The following PRKN variants were observed in gnomAD, a reference collection of about 807,000 sequenced individuals.
PRKN encodes the protein parkin RBR E3 ubiquitin protein ligase, also known as E3 ubiquitin-protein ligase parkin.
In PRKN, 56 loss-of-function variants were observed where a neutral mutation model predicts 59.5. The ratio of observed to expected loss-of-function variants is 0.94; its 90% confidence interval spans 0.76 to 1.18. The LOEUF (loss-of-function observed/expected upper bound fraction) is 1.18, where lower values mean the gene tolerates loss of function less well. Ranked by LOEUF, PRKN falls within the 50% of genes most tolerant of loss-of-function variation. The probability of loss-of-function intolerance (pLI) is 0.00; values close to 1 mark genes in which losing one functional copy is unlikely to be tolerated. For synonymous variants in PRKN, 250 were observed against 222.1 expected, an observed-to-expected ratio of 1.13 and a Z score of -1.12; for missense variants, 657 against 596.4, an observed-to-expected ratio of 1.10 and a Z score of -1.06.
chr6:161,832,517 G>C (rs1259626835), intron 6 of PRKN, among the ~76,000 whole-genome samples: 1 of 151,366 alleles, frequency 6.6e-6, no homozygotes, highest in Non-Finnish European at 1.5e-5. Flanking sequence ...TCAGCTACTC[G>C]GGAGGCTGAG....
chr6:161,982,433 G>A (rs1354015632), intron 5 of PRKN, among the ~76,000 whole-genome samples: 6 of 94,074 alleles, frequency 6.4e-5, no homozygotes, highest in African/African-American at 2.8e-4. Context: ...CCAAAAAAGA[G>A]CCCGCATTGC....
chr6:161,536,602 A>G lies in PRKN; in HGVS notation c.1083+12252T>C, dbSNP rs201967909. Among the ~76,000 whole-genome samples, 11 of 152,278 alleles carry G rather than the reference A, an allele frequency of 7.2e-5. No individual in the cohort carries two copies. In the East Asian group the frequency reaches 2.1e-3, roughly 29 times the overall value. Reference sequence around the variant, plus strand: ...TGGGGGTCATGCTCTATCAGCAAGCAGTTCTGTTTGTACAGGGAAGGTGCA... The same window carrying G: ...TGGGGGTCATGCTCTATCAGCAAGCGGTTCTGTTTGTACAGGGAAGGTGCA... On this transcript the variant is annotated intron_variant, in intron 9 of 11. Coordinates refer to ENST00000366898, the MANE Select transcript of PRKN (RefSeq NM_004562.3).
rs532344954 is a variant in PRKN at position 162,133,482 on chromosome 6, A to C, written c.534+67649T>G. On this transcript the variant is annotated intron_variant, in intron 4 of 11. Transcript: ENST00000366898. ...GGAAGTATTTAGAGTTCTATTTGGG[A>C]CATGTAATATTTGAGATGCTAGTTC... Among the ~76,000 whole-genome samples, 172 of 152,230 alleles carry C rather than the reference A, an allele frequency of 1.1e-3. 1 individual carries two copies. The highest frequency in any genetic ancestry group is 4.0e-3 in the African/African-American group (166 of 41,552).
Position 162,184,115 on chromosome 6 carries a change from G to GAC in PRKN, c.534+17014_534+17015dup, listed in dbSNP as rs1783919724. Among the ~76,000 whole-genome samples, 8 of 152,294 alleles carry GAC rather than the reference G, an allele frequency of 5.3e-5. No individual in the cohort carries two copies. The South Asian group carries it at 1.7e-3, about 32-fold the overall frequency. ...AAAAAGTCATATGTGCCTAGTGGCT[G>GAC]ACATATTGGACAGTACAGCTCTGTA... On this transcript the variant is annotated intron_variant, in intron 4 of 11. Coordinates refer to ENST00000366898, the MANE Select transcript of PRKN (RefSeq NM_004562.3).
At chr6:161,621,055 G>A (rs1782878915) in intron 7 of PRKN, among the ~76,000 whole-genome samples, 1 of 152,142 alleles carries the variant, frequency 6.6e-6, no homozygotes, top group Non-Finnish European at 1.5e-5. Flanking sequence ...GCATTCTTCT[G>A]TTGATGCTTA....
At chr6:161,675,098 C>T (rs112703468) in intron 7 of PRKN, among the ~76,000 whole-genome samples, 11 of 152,318 alleles carry the variant, frequency 7.2e-5, no homozygotes, top group African/African-American at 2.4e-4. Context: ...TGGAGTCATA[C>T]ATCCCTGAAG....
chr6:161,490,722 G>A lies in PRKN; in HGVS notation c.1083+58132C>T, dbSNP rs531542223. Among the ~76,000 whole-genome samples, 8 of 152,070 alleles carry A rather than the reference G, an allele frequency of 5.3e-5. No homozygotes were observed. The East Asian group carries it at 1.2e-3, about 22-fold the overall frequency. On this transcript the variant is annotated intron_variant, in intron 9 of 11. Coordinates refer to ENST00000366898, the MANE Select transcript of PRKN (RefSeq NM_004562.3). ...CTCTACTTTTCATAGATACAGAGAG[G>A]GTTTGGCTGTGTGTCCCCACCAAAT...
intron 7 of PRKN, among the ~76,000 whole-genome samples, chr6:161,696,036 C>T (rs7744823): frequency 0.019 from 2,929 of 152,210 alleles, 102 homozygotes; most frequent in African/African-American, 0.066. Flanking sequence ...CTCATTATTC[C>T]AAAGCATTAC....
intron 7 of PRKN, among the ~76,000 whole-genome samples, chr6:161,730,390 T>C (rs1475143327): frequency 3.3e-5 from 5 of 150,972 alleles, no homozygotes; most frequent in African/African-American, 9.9e-5. Flanking sequence ...CTTTCAGATA[T>C]GTTGCATTCT....
At chr6:162,176,223 T>C (rs1783526561) in intron 4 of PRKN, among the ~76,000 whole-genome samples, 1 of 152,090 alleles carries the variant, frequency 6.6e-6, no homozygotes, top group Non-Finnish European at 1.5e-5. Context: ...AGAATAAACA[T>C]CCCTGAAGAG....
chr6:161,450,774 C>G (rs1327575167), intron 9 of PRKN, among the ~76,000 whole-genome samples: 3 of 152,168 alleles, frequency 2.0e-5, no homozygotes, highest in Admixed American at 1.3e-4. Flanking sequence ...CCAGGATGGT[C>G]TCGACCTCCT....
chr6:162,119,600 T>C (rs2128305084), intron 4 of PRKN, among the ~76,000 whole-genome samples: 1 of 152,210 alleles, frequency 6.6e-6, no homozygotes, highest in East Asian at 1.9e-4. Flanking sequence ...TCCCCAGCAG[T>C]GGCGCGCTGT....
At chr6:161,677,047 C>T (rs931953726) in intron 7 of PRKN, among the ~76,000 whole-genome samples, 1 of 152,140 alleles carries the variant, frequency 6.6e-6, no homozygotes, top group African/African-American at 2.4e-5. Flanking sequence ...GCTTTGGCTC[C>T]TCTGCTCTAT....
chr6:161,509,576 T>TG (rs573595904), intron 9 of PRKN, among the ~76,000 whole-genome samples: 8 of 151,520 alleles, frequency 5.3e-5, no homozygotes, highest in African/African-American at 1.9e-4. Flanking sequence ...GAGCTTCCTT[T>TG]GGGGGGAAAA....
chr6:162,562,542 C>T (rs111629895), intron 1 of PRKN, among the ~76,000 whole-genome samples: 2 of 152,236 alleles, frequency 1.3e-5, no homozygotes, highest in African/African-American at 2.4e-5. Flanking sequence ...CTTAAGGGAA[C>T]ATCAGGGCTA....
rs566008743 is a variant in PRKN, at chr6:161,395,115, C to T, written c.1084-8238G>A. Reference sequence around the variant, plus strand: ...TCCTCCTTGGTCAGCTACATAGCTTCCCAGAGACAATCACTGTCACCTGTT... The same window carrying T: ...TCCTCCTTGGTCAGCTACATAGCTTTCCAGAGACAATCACTGTCACCTGTT... On this transcript the variant is annotated intron_variant, in intron 9 of 11. Transcript: ENST00000366898. This position sits in a 1 kb window ranked among gnomAD's most constrained non-coding sequence, Gnocchi z 5.0. Among the ~76,000 whole-genome samples the T allele has an allele frequency of 3.7e-4, 56 of 152,246 alleles. No homozygotes were observed. The highest frequency in any genetic ancestry group is 1.3e-3 in the African/African-American group (56 of 41,526).
rs78355171 is a variant in PRKN, at chr6:161,554,300, C to T, written c.934-5297G>A. 9.6e-3 allele frequency among the ~76,000 whole-genome samples: 1,465 copies of T among 152,082 alleles called. 24 individuals carry two copies. The highest frequency in any genetic ancestry group is 0.034 in the African/African-American group (1,415 of 41,470). On this transcript the variant is annotated intron_variant, in intron 8 of 11. Coordinates refer to ENST00000366898, the MANE Select transcript of PRKN (RefSeq NM_004562.3). This position sits in a 1 kb window ranked among gnomAD's most constrained non-coding sequence, Gnocchi z 4.5. ...TTTTCATATGCTCTACTCATTCTCC[C>T]ACAAAATTTTTAAAATAATTATACT...
chr6:161,746,870 ATATATC>A (rs1239372763), intron 7 of PRKN, among the ~76,000 whole-genome samples: 1 of 149,524 alleles, frequency 6.7e-6, no homozygotes, highest in East Asian at 1.9e-4. Flanking sequence ...ATATCTACGT[ATATATC>A]TATATCTATA....
At chr6:161,510,279 A>G (rs1002212265) in intron 9 of PRKN, among the ~76,000 whole-genome samples, 10 of 152,134 alleles carry the variant, frequency 6.6e-5, no homozygotes, top group Non-Finnish European at 1.5e-4. Context: ...TAATAACTCA[A>G]CCATCACAGG....
Sources: gnomAD v4.1 joint callset for allele counts (sites outside exome capture counted in the v4.1 genomes callset) on GRCh38, gnomAD v4.1.1 for gene constraint, Gnocchi (gnomAD v3.1) non-coding constraint, MANE v1.5 for transcripts, NCBI Gene and HGNC (gene_info 2026-07-23, HGNC 2026-07-21) for gene names.